SYNPR: variants seen among roughly 807,000 people sequenced by gnomAD.
The protein encoded by SYNPR is synaptoporin.
A neutral mutation model predicts 32.9 loss-of-function variants in SYNPR; 23 were observed. That is an observed-to-expected ratio of 0.70 (90% CI 0.50 to 0.99). The LOEUF (loss-of-function observed/expected upper bound fraction) is 0.99. SYNPR is among the 50% of genes least tolerant of loss of function. The probability of loss-of-function intolerance (pLI) is 0.00; values close to 1 mark genes in which losing one functional copy is unlikely to be tolerated. For missense variants in SYNPR, 318 were observed against 349.3 expected (o/e 0.91, Z 0.71); for synonymous variants, 146 against 135.9 (o/e 1.07, Z -0.52).
At chr3:63,380,671 G>A (rs1350311144) in intron 2 of SYNPR, among the ~76,000 whole-genome samples, 4 of 152,152 alleles carry the variant, frequency 2.6e-5, no homozygotes, top group East Asian at 1.9e-4. Flanking sequence ...CTGGCAAACC[G>A]AATCCAGCAG....
chr3:63,285,658 A>G (rs1243057944), intron 2 of SYNPR, among the ~76,000 whole-genome samples: 1 of 152,196 alleles, frequency 6.6e-6, no homozygotes, highest in Non-Finnish European at 1.5e-5. Context: ...TGAGTGTATT[A>G]AGACAACTGG....
chr3:63,482,022 G>A (rs908964298), intron 3 of SYNPR, among the ~76,000 whole-genome samples: 2 of 112,442 alleles, frequency 1.8e-5, no homozygotes, highest in Non-Finnish European at 4.4e-5. Context: ...AACTACCAGA[G>A]CCCAGGACTC....
the SYNPR span, among the ~76,000 whole-genome samples, chr3:63,219,457 G>A: frequency 6.6e-6 from 1 of 152,120 alleles, no homozygotes; most frequent in Non-Finnish European, 1.5e-5. Flanking sequence ...AGAGTTTTAA[G>A]TAAGTACAAA....
chr3:63,358,521 G>A (rs959308547), intron 2 of SYNPR, among the ~76,000 whole-genome samples: 7 of 151,852 alleles, frequency 4.6e-5, no homozygotes, highest in East Asian at 3.9e-4. Flanking sequence ...TAATCACATC[G>A]GCAAACTCAG....
At chr3:63,256,565 C>T (rs1334369270) in intron 2 of SYNPR, among the ~76,000 whole-genome samples, 1 of 152,198 alleles carries the variant, frequency 6.6e-6, no homozygotes, top group Non-Finnish European at 1.5e-5. Context: ...AAAACCCCAT[C>T]TGTATGTCAC....
At chr3:63,220,575 G>C in the SYNPR span, among the ~76,000 whole-genome samples, 5 of 152,250 alleles carry the variant, frequency 3.3e-5, no homozygotes, top group East Asian at 5.8e-4. Context: ...CTCTTTCCTG[G>C]TCACTTTCTG....
intron 2 of SYNPR, among the ~76,000 whole-genome samples, chr3:63,378,657 T>C (rs2107064235): frequency 6.6e-6 from 1 of 152,160 alleles, no homozygotes; most frequent in East Asian, 1.9e-4. Context: ...CCACATAAAA[T>C]CTTGCTGGAG....
chr3:63,211,157 C>T, the SYNPR span, among the ~76,000 whole-genome samples: 1 of 152,156 alleles, frequency 6.6e-6, no homozygotes, highest in Admixed American at 6.5e-5. Context: ...CAACCTCCAC[C>T]TCCTGGGTTC....
intron 2 of SYNPR, chr3:63,444,178 G>C (rs1700231329): frequency 6.6e-6 from 1 of 152,162 alleles, no homozygotes; most frequent in Non-Finnish European, 1.5e-5. Context: ...TATATGTGAA[G>C]CTAATCAGGA....
At chr3:63,437,028 C>G (rs1197400645) in intron 2 of SYNPR, among the ~76,000 whole-genome samples, 1 of 152,132 alleles carries the variant, frequency 6.6e-6, no homozygotes, top group Non-Finnish European at 1.5e-5. Context: ...AGGCACCTGC[C>G]ACCACGCCCG....
At chr3:63,225,184 C>T (rs1436467023), upstream of SYNPR, among the ~76,000 whole-genome samples, 15 of 152,152 alleles carry the variant, frequency 9.9e-5, no homozygotes, top group Admixed American at 9.8e-4. Flanking sequence ...GTGACGGAAG[C>T]AGGGACTTAA....
At chr3:63,518,102 C>T (rs897336575) in intron 3 of SYNPR, among the ~76,000 whole-genome samples, 1 of 152,040 alleles carries the variant, frequency 6.6e-6, no homozygotes, top group Non-Finnish European at 1.5e-5. Flanking sequence ...TATGACCATA[C>T]ACAATATCAA....
At chr3:63,497,666 C>T (rs1251383660) in intron 3 of SYNPR, among the ~76,000 whole-genome samples, 1 of 151,882 alleles carries the variant, frequency 6.6e-6, no homozygotes, top group Non-Finnish European at 1.5e-5. Flanking sequence ...AATTCAGTCG[C>T]TCTGCAGAGT....
chr3:63,313,911 CCA>C (rs1491202019), intron 2 of SYNPR, among the ~76,000 whole-genome samples: 2 of 3,292 alleles, frequency 6.1e-4, no homozygotes, highest in Non-Finnish European at 7.6e-4. Flanking sequence ...ATATATATAT[CCA>C]TATATATATA....
chr3:63,588,625 T>C (rs138657203), intron 4 of SYNPR, among the ~76,000 whole-genome samples: 162 of 152,246 alleles, frequency 1.1e-3, no homozygotes, highest in African/African-American at 3.8e-3. Flanking sequence ...ACTATACAAA[T>C]TTATTCTTTT....
chr3:63,601,338 T>C (rs1700038968), intron 4 of SYNPR, among the ~76,000 whole-genome samples: 4 of 151,884 alleles, frequency 2.6e-5, no homozygotes, highest in African/African-American at 9.7e-5. Flanking sequence ...GATGTAAAAA[T>C]TCTCAATTCT....
chr3:63,305,746 G>C (rs2086903138), intron 2 of SYNPR, among the ~76,000 whole-genome samples: 1 of 151,960 alleles, frequency 6.6e-6, no homozygotes, highest in South Asian at 2.1e-4. Flanking sequence ...CTCCGCCCCT[G>C]TCAAATCGAG....
intron 2 of SYNPR, among the ~76,000 whole-genome samples, chr3:63,349,114 T>C (rs1197131793): frequency 6.6e-6 from 1 of 152,090 alleles, no homozygotes; most frequent in African/African-American, 2.4e-5. Context: ...ATTAATTTTT[T>C]TTTTTTGAGA....
the SYNPR span, among the ~76,000 whole-genome samples, chr3:63,220,159 G>A: frequency 1.3e-5 from 2 of 152,176 alleles, no homozygotes; most frequent in Non-Finnish European, 2.9e-5. Context: ...AGGTGAGCAA[G>A]GTGAAATTAA....
Sources: gnomAD v4.1 joint callset for allele counts (sites outside exome capture counted in the v4.1 genomes callset) on GRCh38, gnomAD v4.1.1 for gene constraint, MANE v1.5 for transcripts, NCBI Gene and HGNC (gene_info 2026-07-23, HGNC 2026-07-21) for gene names.